CD177: variants seen among roughly 807,000 people sequenced by gnomAD.
CD177 encodes CD177 molecule.
A neutral mutation model predicts 38.1 loss-of-function variants in CD177; 41 were observed. The observed-to-expected ratio is 1.07, with a 90% CI of 0.84 to 1.39. The LOEUF (loss-of-function observed/expected upper bound fraction) is 1.39, where lower values mean the gene tolerates loss of function less well. CD177 is among the 40% of genes most tolerant of loss of function. The pLI is 0.00. For synonymous variants in CD177, 236 were observed against 216.7 expected (o/e 1.09, Z -0.78); for missense variants, 619 against 523.8 (o/e 1.18, Z -1.77).
chr19:43,354,031 C>T, intron 2 of CD177, 38 bp downstream of exon 2: 1 of 1,599,734 alleles, frequency 6.3e-7, no homozygotes, highest in African/African-American at 1.3e-5. Context: ...CCGCCCTGTC[C>T]CCTCAGTCCC....
chr19:43,362,153 C>G lies in CD177; in HGVS notation c.1147C>G (p.His383Asp). The stretch of plus-strand genomic sequence containing the variant: ...CCAACCTTCCAGCTTCTTGTTGAAC[C>G]ACACCAGACAAATCGGGATCTTCTC... ...VAQPSSFLLN[H>D]TRQIGIFSAR... Residue 383 changes from histidine to aspartate, a missense_variant, in exon 9 of 9, where the codon CAC (histidine) becomes GAC (aspartate). Transcript: ENST00000618265. 6.2e-7 allele frequency: 1 copy of G among 1,613,730 alleles called. No homozygotes were observed. Among genetic ancestry groups the G allele is most frequent in the Non-Finnish European group, 8.5e-7 (1 of 1,179,762 alleles).
At chr19:43,354,864 G>T (rs1282214815) in intron 3 of CD177, among the ~76,000 whole-genome samples, 1 of 152,062 alleles carries the variant, frequency 6.6e-6, no homozygotes, top group African/African-American at 2.4e-5. Context: ...GAACACAGAA[G>T]TCTCCTGTTC....
Position 43,362,510 on chromosome 19 carries a change from G to C in CD177, c.*190G>C. The stretch of plus-strand genomic sequence containing the variant: ...GGGAGAGCCTGGAGCATCCGGACTT[G>C]CCCTATGGGAGAGGGGACGCTGGAG... On this transcript the variant is annotated 3_prime_UTR_variant, in exon 9 of 9. Coordinates refer to ENST00000618265, the MANE Select transcript of CD177 (RefSeq NM_020406.4). 1 of 494,558 alleles carries C rather than the reference G, an allele frequency of 2.0e-6. No homozygotes were observed. The highest frequency in any genetic ancestry group is 3.6e-6 in the Non-Finnish European group (1 of 279,326). The allele number at this position is 494,558 out of a possible 1,614,324, so 30.6% of individuals were successfully genotyped here.
chr19:43,364,546 TG>T (rs1970013819), downstream of CD177, among the ~76,000 whole-genome samples: 1 of 147,730 alleles, frequency 6.8e-6, no homozygotes, highest in Non-Finnish European at 1.5e-5. Flanking sequence ...TGTAATCAGA[TG>T]CCATTCCCCC....
At position 43,354,193 on chromosome 19, in the gene CD177, C is replaced by T. The variant is rs1371065041; in HGVS notation, c.194-14C>T. 6 of 1,608,712 alleles carry T rather than the reference C, an allele frequency of 3.7e-6. No homozygotes were observed. The highest frequency in any genetic ancestry group is 2.2e-5 in the East Asian group (1 of 44,632). On this transcript the variant is annotated splice_polypyrimidine_tract_variant and intron_variant, in intron 2 of 8. Coordinates refer to ENST00000618265, the MANE Select transcript of CD177 (RefSeq NM_020406.4). ...CTGACCTCCATCCTCGCTTGCCTCCCTCTTTCGGTCCAGGACCCCAAGTGA... is the reference window on the plus strand; with the variant it reads ...CTGACCTCCATCCTCGCTTGCCTCCTTCTTTCGGTCCAGGACCCCAAGTGA...
intron 3 of CD177, 105 bp from the exon 4 acceptor site, chr19:43,355,556 G>C (rs1178006262): frequency 7.3e-7 from 1 of 1,377,788 alleles, no homozygotes; most frequent in South Asian, 1.2e-5. Flanking sequence ...TGGGAAGGCT[G>C]AGCAGGTTGA....
downstream of CD177, among the ~76,000 whole-genome samples, chr19:43,364,035 C>A (rs1458527360): frequency 6.6e-6 from 1 of 152,200 alleles, no homozygotes; most frequent in East Asian, 1.9e-4. Context: ...TGAGCCAAGA[C>A]TGCACCACTG....
At chr19:43,354,452 C>T in intron 3 of CD177, 60 bp downstream of exon 3, 1 of 1,570,312 alleles carries the variant, frequency 6.4e-7, no homozygotes, top group Non-Finnish European at 8.7e-7. Flanking sequence ...CCGCTGAGCA[C>T]AGAGGGGCTG....
intron 5 of CD177, among the ~76,000 whole-genome samples, 194 bp from the exon 6 acceptor site, chr19:43,360,071 T>C (rs941645029): frequency 1.3e-5 from 2 of 151,670 alleles, no homozygotes; most frequent in Non-Finnish European, 1.5e-5. Context: ...CTGCGGGTGT[T>C]CAAGCAGAAA....
At chr19:43,354,477 C>G in intron 3 of CD177, 85 bp downstream of exon 3, 1 of 1,419,736 alleles carries the variant, frequency 7.0e-7, no homozygotes, top group Non-Finnish European at 9.8e-7. Flanking sequence ...GGAGTCCCTC[C>G]CACCCTCGCT....
At chr19:43,354,143 C>T in intron 2 of CD177, 64 bp from the exon 3 acceptor site, 1 of 1,570,200 alleles carries the variant, frequency 6.4e-7, no homozygotes, top group Non-Finnish European at 8.7e-7. Flanking sequence ...CGTGTAGCAG[C>T]GTCTCCCTCC....
chr19:43,361,512 C>T lies in CD177; in HGVS notation c.1014C>T (p.Gly338=). ...CVQPLGTCSS[G]SPRMTCPRGA... ...AGCCCCTTGGAACCTGTTCAAGTGG[C>T]TCCCCCCGAATGACCTGCCCCAGGG... The change falls in exon 8 of 9, where the codon GGC becomes GGT. Residue 338 remains glycine, a synonymous_variant. Coordinates refer to ENST00000618265, the MANE Select transcript of CD177 (RefSeq NM_020406.4). The T allele has an allele frequency of 1.3e-6, 2 of 1,591,492 alleles. No individual in the cohort carries two copies. The highest frequency in any genetic ancestry group is 1.7e-6 in the Non-Finnish European group (2 of 1,163,608).
downstream of CD177, among the ~76,000 whole-genome samples, chr19:43,364,022 CA>C (rs1970009073): frequency 6.6e-6 from 1 of 152,192 alleles, no homozygotes; most frequent in Non-Finnish European, 1.5e-5. Context: ...GTCAAGGCTG[CA>C]GTGAGCCAAG....
downstream of CD177, among the ~76,000 whole-genome samples, chr19:43,364,117 T>G (rs568770227): frequency 6.6e-6 from 1 of 152,066 alleles, no homozygotes; most frequent in Admixed American, 6.5e-5. Flanking sequence ...TCCGTACAGA[T>G]GACACACAAT....
chr19:43,354,381 A>T lies in CD177; in HGVS notation c.368A>T (p.Gln123Leu), dbSNP rs1969891478. Residue 123 changes from glutamine to leucine, a missense_variant, in exon 3 of 9, where the codon CAG becomes CTG. Transcript: ENST00000618265. The part of the protein sequence containing the change: ...LVNSLPLWAP[Q>L]PPADPGSLRC... ...AACTCCCTCCCGCTTTGGGCCCCAC[A>T]GCCCCCAGCAGGTGCCTGCGGGAGG... The T allele has an allele frequency of 6.2e-7, 1 of 1,613,688 alleles. No homozygotes were observed. Among genetic ancestry groups the T allele is most frequent in the African/African-American group, 1.3e-5 (1 of 74,854 alleles).
Position 43,361,343 on chromosome 19 carries a change from G to T in CD177, c.946+15G>T, listed in dbSNP as rs769729209. The T allele has an allele frequency of 2.5e-5, 40 of 1,579,902 alleles. No homozygotes were observed. Among genetic ancestry groups the T allele is most frequent in the South Asian group, 3.4e-5 (3 of 88,612 alleles). On this transcript the variant is annotated intron_variant, in intron 7 of 8. Coordinates refer to ENST00000618265, the MANE Select transcript of CD177 (RefSeq NM_020406.4). ...CCCTCCTCAAGGTATGGGATCCAGG[G>T]CCGTGGAGAAATGAGGCCCAGACAC...
At position 43,362,355 on chromosome 19, in the gene CD177, C is replaced by A. The variant is rs936086093; in HGVS notation, c.*35C>A. ...CCCCACGATTCTTCACCGCTGCTGA[C>A]CACCCACACTCAACCTCCCTCTGAC... On this transcript the variant is annotated 3_prime_UTR_variant, in exon 9 of 9. Transcript: ENST00000618265. The A allele has an allele frequency of 3.0e-6, 3 of 984,686 alleles. No homozygotes were observed. The African/African-American group carries it at 4.8e-5, about 16-fold the overall frequency. 61.0% of individuals were successfully genotyped at this position (984,686 alleles called of 1,614,324 possible).
Position 43,361,143 on chromosome 19 carries a change from G to T in CD177, c.761G>T (p.Gly254Val), listed in dbSNP as rs1247791527. ...GCCCAGCTTTCCCTCTCACCCTCAG[G>T]ACTCACATCAACCCTGGTGGGGACA... ...CQETLLLLDV[G>V]LTSTLVGTKG... The change falls in exon 7 of 9, where the codon GGA becomes GTA. Residue 254 changes from glycine (G) to valine (V), a missense_variant and splice_region_variant. Gly to Val is a moderately radical substitution (Grantham distance 109). Transcript: ENST00000618265. 7.4e-6 allele frequency: 11 copies of T among 1,489,590 alleles called. No homozygotes were observed. The highest frequency in any genetic ancestry group is 9.4e-7 in the Non-Finnish European group (1 of 1,068,418). 92.3% of individuals were successfully genotyped at this position (1,489,590 alleles called of 1,614,324 possible).
In CD177 at chr19:43,362,442, C is replaced by A; in HGVS notation, c.*122C>A. On this transcript the variant is annotated 3_prime_UTR_variant, in exon 9 of 9. Coordinates refer to ENST00000618265, the MANE Select transcript of CD177 (RefSeq NM_020406.4). ...CCATTCTGTCCATGAATCATCTTCC[C>A]CACACACAATCATTCATATCTACTC... The A allele has an allele frequency of 1.7e-6, 1 of 585,768 alleles. No homozygotes were observed. Among genetic ancestry groups the A allele is most frequent in the South Asian group, 2.2e-5 (1 of 46,142 alleles). 36.3% of individuals were successfully genotyped at this position (585,768 alleles called of 1,614,324 possible). A position where few individuals can be genotyped will look rare whatever the true frequency, so the allele number is the denominator to read the frequency against.
Sources: allele counts gnomAD v4.1 joint callset (sites outside exome capture counted in the v4.1 genomes callset), GRCh38; gene constraint gnomAD v4.1.1; transcripts MANE v1.5; gene names NCBI Gene and HGNC (gene_info 2026-07-23, HGNC 2026-07-21).